PARP12: variants seen among roughly 807,000 people sequenced by gnomAD.
PARP12 encodes the protein poly(ADP-ribose) polymerase family member 12, also known as protein mono-ADP-ribosyltransferase PARP12.
In PARP12, 59 loss-of-function variants were observed where a neutral mutation model predicts 72.4. The ratio of observed to expected loss-of-function variants is 0.81; its 90% CI spans 0.66 to 1.01. The LOEUF is 1.01. Among genes scored for constraint, PARP12 ranks in the 50% least tolerant of loss-of-function variants. The pLI is 0.00. For synonymous variants in PARP12, 403 were observed against 371.4 expected (o/e 1.09, Z -0.98); for missense variants, 851 against 914.0 (o/e 0.93, Z 0.89).
chr7:140,057,829 T>C, intron 2 of PARP12, 70 bp downstream of exon 2: 2 of 1,585,998 alleles, frequency 1.3e-6, no homozygotes, highest in South Asian at 2.3e-5. Context: ...CCACTCCCAG[T>C]CATTACATTT....
chr7:140,024,797 C>G lies in PARP12; in HGVS notation c.1869G>C (p.Leu623=), dbSNP rs1435866588. 1 of 1,614,202 alleles carries G rather than the reference C, an allele frequency of 6.2e-7. No individual in the cohort carries two copies. Among genetic ancestry groups the G allele is most frequent in the Non-Finnish European group, 8.5e-7 (1 of 1,180,022 alleles). Reference sequence around the variant, plus strand: ...CATTGCCCCTGACGAACTCGCCCACCAGCACCCGGGCCAGGAACATCGTGT... The same window carrying G: ...CATTGCCCCTGACGAACTCGCCCACGAGCACCCGGGCCAGGAACATCGTGT... ...QTHTMFLARV[L]VGEFVRGNAS... The change falls in exon 12 of 12, where the codon CTG becomes CTC. Residue 623 remains leucine, a synonymous_variant. Coordinates refer to ENST00000263549, the MANE Select transcript of PARP12 (RefSeq NM_022750.4).
chr7:140,054,136 G>T (rs1314724255), intron 4 of PARP12, among the ~76,000 whole-genome samples: 1 of 152,164 alleles, frequency 6.6e-6, no homozygotes, highest in African/African-American at 2.4e-5. Flanking sequence ...TGAAAATACA[G>T]ACAGGCACAT....
At chr7:140,054,949 G>A (rs912059686) in intron 3 of PARP12, among the ~76,000 whole-genome samples, 186 bp from the exon 4 acceptor site, 3 of 152,236 alleles carry the variant, frequency 2.0e-5, no homozygotes, top group African/African-American at 7.2e-5. Flanking sequence ...CTGGCAGCCT[G>A]ACGCCACATG....
intron 6 of PARP12, among the ~76,000 whole-genome samples, chr7:140,039,044 A>G (rs959926833): frequency 6.6e-6 from 1 of 152,198 alleles, no homozygotes; most frequent in African/African-American, 2.4e-5. Flanking sequence ...GAGGGATGAC[A>G]TGAGTTGGCC....
At chr7:140,058,442 C>T (rs777190063) in intron 1 of PARP12, among the ~76,000 whole-genome samples, 80 of 150,834 alleles carry the variant, frequency 5.3e-4, no homozygotes, top group Non-Finnish European at 9.3e-4. Flanking sequence ...ACCCGAGAGG[C>T]GGAGCTTGCA....
At chr7:140,038,428 T>C (rs1816311583) in intron 6 of PARP12, 1 of 490,528 alleles carries the variant, frequency 2.0e-6, no homozygotes, top group African/African-American at 2.1e-5. Flanking sequence ...CTCCCAAACC[T>C]GCTGGCTCTA....
chr7:140,046,743 T>TGTGTGTGTGTGTGTG, intron 5 of PARP12, 141 bp downstream of exon 5: 1 of 858,626 alleles, frequency 1.2e-6, no homozygotes, highest in Non-Finnish European at 1.8e-6. Context: ...TGTGTGTGTG[T>TGTGTGTGTGTGTGTG]GTGTGTGTGT....
chr7:140,024,323 A>G lies in PARP12; in HGVS notation c.*237T>C. ...AGAGTAAAAACTAAAACTTCAACACATTATTAAAAAGCAAAACTGGACTCA... is the reference window on the plus strand; with the variant it reads ...AGAGTAAAAACTAAAACTTCAACACGTTATTAAAAAGCAAAACTGGACTCA... On this transcript the variant is annotated 3_prime_UTR_variant, in exon 12 of 12. Transcript: ENST00000263549. 1 of 541,290 alleles carries G rather than the reference A, an allele frequency of 1.8e-6. No individual in the cohort carries two copies. Among genetic ancestry groups the G allele is most frequent in the South Asian group, 2.1e-5 (1 of 48,262 alleles). The allele number at this position is 541,290 out of a possible 1,614,324, so 33.5% of individuals were successfully genotyped here.
At chr7:140,031,297 C>T (rs1193737293) in intron 8 of PARP12, among the ~76,000 whole-genome samples, 2 of 151,882 alleles carry the variant, frequency 1.3e-5, no homozygotes, top group Non-Finnish European at 2.9e-5. Context: ...TGCTTGAGCC[C>T]GGGAGGTGGA....
chr7:140,041,060 G>A lies in PARP12; in HGVS notation c.1182+584C>T, dbSNP rs564167750. 7.2e-5 allele frequency among the ~76,000 whole-genome samples: 11 copies of A among 152,272 alleles called. No individual in the cohort carries two copies. The East Asian group carries it at 9.6e-4, about 13-fold the overall frequency. On this transcript the variant is annotated intron_variant, in intron 6 of 11. Transcript: ENST00000263549. ...TGGGATTGTAGGCATGAGCCACCAC[G>A]CCCGGCCTAAACTTGTATTTCTATA...
chr7:140,041,928 C>A lies in PARP12; in HGVS notation c.987-89G>T, dbSNP rs112684765. On this transcript the variant is annotated intron_variant, in intron 5 of 11. Coordinates refer to ENST00000263549, the MANE Select transcript of PARP12 (RefSeq NM_022750.4). ...CTTGAGAACATATAGCTGGGAGATG[C>A]GAATAGTAAATGTGGCATGCACATT... 5.3e-6 allele frequency: 6 copies of A among 1,126,940 alleles called. No individual in the cohort carries two copies. In the Admixed American group the frequency reaches 6.7e-5, roughly 13 times the overall value. 69.8% of individuals were successfully genotyped at this position (1,126,940 alleles called of 1,614,324 possible).
Position 140,041,794 on chromosome 7 carries a change from C to T in PARP12, c.1032G>A (p.Leu344=). The stretch of plus-strand genomic sequence containing the variant: ...CACCGTAAGTCATGGCGTTAAAGTT[C>T]AGACAATGAGAGTGAAAGGTACTGG... ...ESASTFHSHC[L]NFNAMTYGAT... The change falls in exon 6 of 12, where the codon CTG becomes CTA. Residue 344 remains leucine (L), a synonymous_variant. Coordinates refer to ENST00000263549, the MANE Select transcript of PARP12 (RefSeq NM_022750.4). The T allele has an allele frequency of 1.9e-6, 3 of 1,614,050 alleles. No homozygotes were observed. The highest frequency in any genetic ancestry group is 2.5e-6 in the Non-Finnish European group (3 of 1,179,982).
Position 140,035,649 on chromosome 7 carries a change from C to G in PARP12, c.1325-1318G>C, listed in dbSNP as rs1421577169. On this transcript the variant is annotated intron_variant, in intron 7 of 11. Coordinates refer to ENST00000263549, the MANE Select transcript of PARP12 (RefSeq NM_022750.4). ...CCTAAAAGGGCAGAACTGAATCATC[C>G]CTAAACCTTCAGAACAACTCATTTG... 4.6e-5 allele frequency among the ~76,000 whole-genome samples: 7 copies of G among 152,262 alleles called. No homozygotes were observed. The East Asian group carries it at 9.7e-4, about 21-fold the overall frequency.
At chr7:140,026,079 C>G in intron 11 of PARP12, 118 bp downstream of exon 11, 5 of 1,443,412 alleles carry the variant, frequency 3.5e-6, no homozygotes, top group Non-Finnish European at 4.8e-6. Context: ...TACCACCACA[C>G]ATGGAGTCTG....
At chr7:140,038,767 T>C (rs1482074514) in intron 6 of PARP12, among the ~76,000 whole-genome samples, 1 of 152,210 alleles carries the variant, frequency 6.6e-6, no homozygotes, top group African/African-American at 2.4e-5. Context: ...ACCATCCTAG[T>C]TCTCCTGGGT....
intron 2 of PARP12, 94 bp downstream of exon 2, chr7:140,057,805 A>G: frequency 1.3e-6 from 2 of 1,519,560 alleles, no homozygotes; most frequent in Admixed American, 4.0e-5. Context: ...GAGATCACCA[A>G]GGGCCCACCC....
At chr7:140,058,575 G>A (rs60620539) in intron 1 of PARP12, among the ~76,000 whole-genome samples, 14,304 of 151,850 alleles carry the variant, frequency 0.094, 1,200 homozygotes, top group African/African-American at 0.23. Context: ...GTGAGAAGGT[G>A]GCCATCTACA....
At chr7:140,038,359 C>T in intron 6 of PARP12, 1 of 932,970 alleles carries the variant, frequency 1.1e-6, no homozygotes, top group Non-Finnish European at 1.3e-6. Context: ...AATCCCTATC[C>T]TTCCACAATT....
rs967472605 is a variant in PARP12 at position 140,027,162 on chromosome 7, T to C, written c.1628+114A>G. Reference sequence around the variant, plus strand: ...GAGCAGACACACAGCTCCCAGCACATGGCAGCCCTAACTGCCGCTCTGCTT... The same window carrying C: ...GAGCAGACACACAGCTCCCAGCACACGGCAGCCCTAACTGCCGCTCTGCTT... On this transcript the variant is annotated intron_variant, in intron 10 of 11. Coordinates refer to ENST00000263549, the MANE Select transcript of PARP12 (RefSeq NM_022750.4). 17 of 1,395,340 alleles carry C rather than the reference T, an allele frequency of 1.2e-5. No homozygotes were observed. In the Admixed American group the frequency reaches 2.9e-4, roughly 24 times the overall value. 86.4% of individuals were successfully genotyped at this position (1,395,340 alleles called of 1,614,324 possible).
Sources: gnomAD v4.1 joint callset for allele counts (sites outside exome capture counted in the v4.1 genomes callset) on GRCh38, gnomAD v4.1.1 for gene constraint, MANE v1.5 for transcripts, NCBI Gene and HGNC (gene_info 2026-07-23, HGNC 2026-07-21) for gene names.